COL26A1: variants seen among roughly 807,000 people sequenced by gnomAD.
COL26A1 encodes the protein collagen alpha-1(XXVI) chain.
A neutral mutation model predicts 59.3 loss-of-function variants in COL26A1; 41 were observed. The ratio of observed to expected loss-of-function variants is 0.69; its 90% CI spans 0.54 to 0.90. The LOEUF (loss-of-function observed/expected upper bound fraction) is 0.90, where lower values mean the gene tolerates loss of function less well. Ranked by LOEUF, COL26A1 falls within the 40% of genes least tolerant of loss-of-function variation. COL26A1 has a pLI of 0.00. For synonymous variants in COL26A1, 266 were observed against 256.0 expected, an observed-to-expected ratio of 1.04 and a Z score of -0.37; for missense variants, 612 against 602.3, an observed-to-expected ratio of 1.02 and a Z score of -0.17.
intron 3 of COL26A1, among the ~76,000 whole-genome samples, chr7:101,511,901 G>A (rs2130587195): frequency 6.6e-6 from 1 of 152,296 alleles, no homozygotes; most frequent in South Asian, 2.1e-4. Flanking sequence ...GCTGAGGCGG[G>A]AGAATTGCTT....
At chr7:101,396,519 G>A (rs549848359) in intron 1 of COL26A1, among the ~76,000 whole-genome samples, 1 of 152,064 alleles carries the variant, frequency 6.6e-6, no homozygotes, top group East Asian at 1.9e-4. Context: ...CTGGAGTGCA[G>A]TGGCACAATC....
chr7:101,371,919 A>G (rs1321331348), intron 1 of COL26A1, among the ~76,000 whole-genome samples: 1 of 152,050 alleles, frequency 6.6e-6, no homozygotes, highest in East Asian at 1.9e-4. Context: ...GAGCTAGGGG[A>G]GTTAGGGTTT....
intron 1 of COL26A1, among the ~76,000 whole-genome samples, chr7:101,385,946 C>T (rs947610386): frequency 2.7e-5 from 4 of 150,352 alleles, no homozygotes; most frequent in South Asian, 2.1e-4. Flanking sequence ...CTCCTGACCT[C>T]GTGATCTGCC....
At chr7:101,551,990 G>T (rs1221025200) in intron 10 of COL26A1, among the ~76,000 whole-genome samples, 4 of 152,138 alleles carry the variant, frequency 2.6e-5, no homozygotes, top group African/African-American at 4.8e-5. Context: ...GGCCACTAAG[G>T]CTCAGAGAGG....
At chr7:101,452,134 G>T (rs1793355189) in intron 3 of COL26A1, among the ~76,000 whole-genome samples, 1 of 152,178 alleles carries the variant, frequency 6.6e-6, no homozygotes, top group South Asian at 2.1e-4. Flanking sequence ...ACGTGGGCAG[G>T]CTCATGAGAT....
intron 3 of COL26A1, among the ~76,000 whole-genome samples, chr7:101,480,532 A>C (rs185744659): frequency 2.6e-4 from 40 of 151,932 alleles, no homozygotes; most frequent in African/African-American, 8.7e-4. Context: ...ACAGGGTGTC[A>C]CTCTATTGCC....
chr7:101,383,534 T>A lies in COL26A1; in HGVS notation c.158+20344T>A, dbSNP rs568470922. 9.5e-3 allele frequency among the ~76,000 whole-genome samples: 355 copies of A among 37,274 alleles called. 1 individual carries two copies. The highest frequency in any genetic ancestry group is 0.014 in the African/African-American group (337 of 23,652). 24.5% of individuals were successfully genotyped at this position (37,274 alleles called of 152,430 possible). A position where few individuals can be genotyped will look rare whatever the true frequency, so the allele number is the denominator to read the frequency against. Reference sequence around the variant, plus strand: ...GGCATGTGCCACCACGCCTGGCTAATTTTTTTTTTCTTTTTTATGAGACAG... The same window carrying A: ...GGCATGTGCCACCACGCCTGGCTAAATTTTTTTTTCTTTTTTATGAGACAG... On this transcript the variant is annotated intron_variant, in intron 1 of 12. Coordinates refer to ENST00000313669, the MANE Select transcript of COL26A1 (RefSeq NM_001278563.3).
At chr7:101,460,216 G>A (rs1425232759) in intron 3 of COL26A1, among the ~76,000 whole-genome samples, 1 of 152,116 alleles carries the variant, frequency 6.6e-6, no homozygotes, top group Non-Finnish European at 1.5e-5. Context: ...GTGTGTGTGT[G>A]GTGGAGAGTG....
chr7:101,398,568 C>T (rs982603209), intron 1 of COL26A1, among the ~76,000 whole-genome samples: 4 of 152,166 alleles, frequency 2.6e-5, no homozygotes, highest in African/African-American at 9.7e-5. Context: ...GGTCTCCCTC[C>T]TGACCTGCAA....
chr7:101,420,082 C>G lies in COL26A1; in HGVS notation c.264C>G (p.Pro88=). Residue 88 remains proline (P), a synonymous_variant, in exon 2 of 13, where the codon CCC becomes CCG. Coordinates refer to ENST00000313669, the MANE Select transcript of COL26A1 (RefSeq NM_001278563.3). ...ACCAGAGCTGCCGGTGGCCGGGGCC[C>G]TGCGCCAACCTCGTAAGGTAAAGGC... ...RVYQSCRWPG[P]CANLVSYRTL... The G allele has an allele frequency of 1.2e-6, 2 of 1,613,322 alleles. No individual in the cohort carries two copies. Among genetic ancestry groups the G allele is most frequent in the Non-Finnish European group, 1.7e-6 (2 of 1,179,884 alleles).
Position 101,466,835 on chromosome 7 carries a change from T to A in COL26A1, c.385+19048T>A, listed in dbSNP as rs111586032. The stretch of plus-strand genomic sequence containing the variant: ...GTGTGTGTGTGTGTGTGTGTGTGTG[T>A]GTGAGAGAGAGAGATTCAGTCTCTG... On this transcript the variant is annotated intron_variant, in intron 3 of 12. Transcript: ENST00000313669. 3.0e-3 allele frequency among the ~76,000 whole-genome samples: 246 copies of A among 81,556 alleles called. 1 individual carries two copies. Among genetic ancestry groups the A allele is most frequent in the African/African-American group, 7.6e-3 (165 of 21,710 alleles). 53.5% of individuals were successfully genotyped at this position (81,556 alleles called of 152,430 possible).
intron 1 of COL26A1, among the ~76,000 whole-genome samples, chr7:101,373,944 CGT>C: frequency 6.6e-6 from 1 of 152,298 alleles, no homozygotes; most frequent in Middle Eastern, 3.4e-3. Context: ...GGCTCGAACT[CGT>C]GTGACACTTC....
chr7:101,541,157 C>T (rs941479646), intron 5 of COL26A1, among the ~76,000 whole-genome samples: 1 of 152,126 alleles, frequency 6.6e-6, no homozygotes, highest in African/African-American at 2.4e-5. Flanking sequence ...TGCCCTGCTC[C>T]TTGGCTTCTG....
At chr7:101,551,314 G>A (rs190679416) in intron 10 of COL26A1, among the ~76,000 whole-genome samples, 171 bp downstream of exon 10, 2 of 152,156 alleles carry the variant, frequency 1.3e-5, no homozygotes, top group South Asian at 2.1e-4. Flanking sequence ...CTCCTGCTGC[G>A]GGGTGAGGAG....
intron 1 of COL26A1, among the ~76,000 whole-genome samples, chr7:101,396,154 C>A (rs1429387874): frequency 6.6e-6 from 1 of 151,888 alleles, no homozygotes; most frequent in Non-Finnish European, 1.5e-5. Context: ...ATAGTCCCAG[C>A]TACTGGGGAG....
intron 1 of COL26A1, among the ~76,000 whole-genome samples, chr7:101,392,204 C>T (rs1390262786): frequency 6.6e-6 from 1 of 152,002 alleles, no homozygotes; most frequent in Non-Finnish European, 1.5e-5. Flanking sequence ...GGCGGGTGCA[C>T]AGGCAGGAGG....
chr7:101,546,691 G>A (rs1795743125), intron 7 of COL26A1, among the ~76,000 whole-genome samples: 2 of 152,106 alleles, frequency 1.3e-5, no homozygotes, highest in Non-Finnish European at 2.9e-5. Context: ...TGGGAGATGG[G>A]TTGTTAAACA....
At chr7:101,529,610 A>G (rs984371172) in intron 3 of COL26A1, among the ~76,000 whole-genome samples, 10 of 152,130 alleles carry the variant, frequency 6.6e-5, no homozygotes, top group African/African-American at 2.4e-4. Flanking sequence ...TTCAATCCTC[A>G]TACCCCATCT....
At chr7:101,427,533 G>T (rs188943667) in intron 2 of COL26A1, among the ~76,000 whole-genome samples, 2 of 152,048 alleles carry the variant, frequency 1.3e-5, no homozygotes, top group African/African-American at 2.4e-5. Flanking sequence ...ATGGTGGCAG[G>T]CACCTGTAAT....
Sources: gnomAD v4.1 joint callset for allele counts (sites outside exome capture counted in the v4.1 genomes callset) on GRCh38, gnomAD v4.1.1 for gene constraint, MANE v1.5 for transcripts, NCBI Gene and HGNC (gene_info 2026-07-23, HGNC 2026-07-21) for gene names.